SORBS2: variants seen among roughly 807,000 people sequenced by gnomAD.
The protein encoded by SORBS2 is sorbin and SH3 domain containing 2, also known as sorbin and SH3 domain-containing protein 2.
SORBS2 carries 46 observed loss-of-function variants against 97.7 expected under a neutral mutation model. The ratio of observed to expected loss-of-function variants is 0.47; its 90% CI spans 0.37 to 0.60. The LOEUF (loss-of-function observed/expected upper bound fraction) is 0.60. SORBS2 is among the 20% of genes least tolerant of loss of function. SORBS2 has a pLI of 0.00. For synonymous variants in SORBS2, 476 were observed against 473.4 expected, an observed-to-expected ratio of 1.01 and a Z score of -0.07; for missense variants, 1,316 against 1,282.3, an observed-to-expected ratio of 1.03 and a Z score of -0.40.
chr4:185,670,816 A>G (rs1582361559), intron 4 of SORBS2, among the ~76,000 whole-genome samples: 3 of 152,210 alleles, frequency 2.0e-5, no homozygotes, highest in African/African-American at 7.2e-5. Context: ...TTGCCGGATC[A>G]TCATTTTGCT....
chr4:185,872,902 G>T (rs1055318428), intron 1 of SORBS2, among the ~76,000 whole-genome samples: 1 of 152,144 alleles, frequency 6.6e-6, no homozygotes, highest in Admixed American at 6.5e-5. Context: ...CACATTCATT[G>T]GTGACCACTA....
chr4:185,615,560 C>T (rs2096614749), intron 9 of SORBS2, among the ~76,000 whole-genome samples: 2 of 151,116 alleles, frequency 1.3e-5, no homozygotes, highest in South Asian at 2.1e-4. Context: ...TAGTTACTAG[C>T]CCCCCAGCCC....
intron 2 of SORBS2, among the ~76,000 whole-genome samples, chr4:185,689,136 C>T (rs966575597): frequency 6.6e-6 from 1 of 152,172 alleles, no homozygotes; most frequent in African/African-American, 2.4e-5. Flanking sequence ...TACTGCCCAT[C>T]AACACAGCAT....
At chr4:185,677,977 T>C (rs1277353549) in intron 4 of SORBS2, among the ~76,000 whole-genome samples, 1 of 152,154 alleles carries the variant, frequency 6.6e-6, no homozygotes, top group African/African-American at 2.4e-5. Context: ...CATATATATA[T>C]ATAGTTTATT....
chr4:185,648,451 C>T (rs1015031445), intron 3 of SORBS2, among the ~76,000 whole-genome samples: 2 of 151,434 alleles, frequency 1.3e-5, no homozygotes, highest in Non-Finnish European at 2.9e-5. Flanking sequence ...CACACCATTG[C>T]ACTCCAGCCT....
intron 1 of SORBS2, among the ~76,000 whole-genome samples, chr4:185,857,588 G>A (rs2099221241): frequency 6.6e-6 from 1 of 152,174 alleles, no homozygotes; most frequent in Non-Finnish European, 1.5e-5. Flanking sequence ...GACTGCCTGT[G>A]GGGTTGGACA....
intron 1 of SORBS2, among the ~76,000 whole-genome samples, chr4:185,841,328 G>A (rs1157106629): frequency 1.3e-5 from 2 of 152,176 alleles, no homozygotes; most frequent in Admixed American, 1.3e-4. Flanking sequence ...GTTGGGGGGA[G>A]ATTAGTGGAG....
chr4:185,840,084 G>A lies in SORBS2; in HGVS notation c.-337-64718C>T, dbSNP rs28550709. 2.8e-3 allele frequency among the ~76,000 whole-genome samples: 430 copies of A among 152,314 alleles called. 4 individuals are homozygous for A. The highest frequency in any genetic ancestry group is 9.8e-3 in the African/African-American group (408 of 41,574). On this transcript the variant is annotated intron_variant, in intron 1 of 20. Transcript: ENST00000284776. ...GTTTCACCCCAGTGCTTCTCTGTGA[G>A]GTGTAAATACAGCTCTACAGCCTGG...
chr4:185,778,004 C>T (rs768464144), intron 1 of SORBS2, among the ~76,000 whole-genome samples: 5 of 152,012 alleles, frequency 3.3e-5, no homozygotes, highest in African/African-American at 1.2e-4. Context: ...ATTGACCACA[C>T]GTTGAAAAAA....
chr4:185,723,827 T>A (rs1321905318), intron 2 of SORBS2, among the ~76,000 whole-genome samples: 2 of 152,150 alleles, frequency 1.3e-5, no homozygotes, highest in Non-Finnish European at 2.9e-5. Flanking sequence ...CCTGGGCTCA[T>A]AAGGGAATAA....
chr4:185,939,320 T>C (rs570561192), intron 1 of SORBS2, among the ~76,000 whole-genome samples: 1 of 152,252 alleles, frequency 6.6e-6, no homozygotes, highest in Non-Finnish European at 1.5e-5. Flanking sequence ...GTTCCTAATA[T>C]CCCACTGGAT....
intron 2 of SORBS2, among the ~76,000 whole-genome samples, chr4:185,733,178 C>T (rs925498786): frequency 6.6e-6 from 1 of 152,244 alleles, no homozygotes; most frequent in Non-Finnish European, 1.5e-5. Context: ...TCAAACAGAG[C>T]CTCTAGGTGT....
chr4:185,598,654 G>A (rs6846830), intron 12 of SORBS2, among the ~76,000 whole-genome samples: 12,232 of 152,162 alleles, frequency 0.08, 600 homozygotes, highest in African/African-American at 0.13. Context: ...GTGCTAAAGT[G>A]TTTTTATCTT....
At chr4:185,618,629 T>C in exon 9 of SORBS2, 1 of 1,536,906 alleles carries the variant, frequency 6.5e-7, no homozygotes. Flanking sequence ...TTGCAGGCAA[T>C]TTCTGAAAAG....
At chr4:185,673,598 T>G (rs1180025333) in intron 4 of SORBS2, among the ~76,000 whole-genome samples, 1 of 152,202 alleles carries the variant, frequency 6.6e-6, no homozygotes, top group East Asian at 1.9e-4. Flanking sequence ...GCCAAGATCC[T>G]TATATGCCTT....
intron 1 of SORBS2, among the ~76,000 whole-genome samples, chr4:185,923,707 AC>A (rs2099262131): frequency 6.6e-6 from 1 of 151,666 alleles, no homozygotes; most frequent in Admixed American, 6.6e-5. Context: ...TGTAAGCTCT[AC>A]CCCCTACATT....
At chr4:185,586,006 G>C (rs552980460) in exon 15 of SORBS2, 9 of 152,692 alleles carry the variant, frequency 5.9e-5, no homozygotes, top group African/African-American at 2.2e-4. Context: ...GATAAGGAGA[G>C]GCTAGTCTGC....
chr4:185,902,891 G>C (rs187089652), intron 1 of SORBS2, among the ~76,000 whole-genome samples: 77 of 152,284 alleles, frequency 5.1e-4, no homozygotes, highest in African/African-American at 1.6e-3. Context: ...CTATGGCAAA[G>C]TAAATAAAAG....
At chr4:185,841,048 C>T (rs62335741) in intron 1 of SORBS2, among the ~76,000 whole-genome samples, 16,805 of 151,848 alleles carry the variant, frequency 0.11, 1,294 homozygotes, top group Middle Eastern at 0.18. Context: ...TAGAAGGCAA[C>T]GTGGGTGAGA....
Sources: gnomAD v4.1 joint callset for allele counts (sites outside exome capture counted in the v4.1 genomes callset) on GRCh38, gnomAD v4.1.1 for gene constraint, MANE v1.5 for transcripts, NCBI Gene and HGNC (gene_info 2026-07-23, HGNC 2026-07-21) for gene names.